The following MGAT4C variants were observed in gnomAD, a reference collection of about 807,000 sequenced individuals.
MGAT4C encodes alpha-1,3-mannosyl-glycoprotein 4-beta-N-acetylglucosaminyltransferase C.
In MGAT4C, 19 loss-of-function variants were observed where a neutral mutation model predicts 40.1. The ratio of observed to expected loss-of-function variants is 0.47; its 90% confidence interval spans 0.33 to 0.70. The LOEUF is 0.70. MGAT4C is among the 30% of genes least tolerant of loss of function. The pLI is 0.02. For synonymous variants in MGAT4C, 181 were observed against 187.1 expected, an observed-to-expected ratio of 0.97 and a Z score of 0.27; for missense variants, 491 against 563.2, an observed-to-expected ratio of 0.87 and a Z score of 1.30.
At position 86,348,609 on chromosome 12, in the gene MGAT4C, G is replaced by C. The variant is rs191193961; in HGVS notation, c.-119-14482C>G. ...TTGAATGATAGCTTGTCTGGGGATA[G>C]AATTTCAGAATTTCGAAGGCCTTGC... On this transcript the variant is annotated intron_variant, in intron 3 of 7. Coordinates refer to the MGAT4C transcript ENST00000548651. 2.3e-4 allele frequency among the ~76,000 whole-genome samples: 35 copies of C among 152,270 alleles called. No homozygotes were observed. In the East Asian group the frequency reaches 6.2e-3, roughly 27 times the overall value.
intron 3 of MGAT4C, among the ~76,000 whole-genome samples, chr12:86,368,964 G>A (rs1339485034): frequency 1.3e-5 from 2 of 151,584 alleles, no homozygotes; most frequent in Non-Finnish European, 2.9e-5. Context: ...TTGTAAGTGG[G>A]GTATTGAAGT....
intron 1 of MGAT4C, among the ~76,000 whole-genome samples, chr12:86,115,888 G>A (rs1006497432): frequency 6.6e-6 from 1 of 151,962 alleles, no homozygotes; most frequent in African/African-American, 2.4e-5. Context: ...GGTCCACCAT[G>A]ATCTCATTTT....
At chr12:86,027,991 A>G (rs1890386433) in intron 2 of MGAT4C, 2 of 388,008 alleles carry the variant, frequency 5.2e-6, no homozygotes, top group Non-Finnish European at 8.9e-6. Context: ...TACATTTTCC[A>G]TTGACCTAAG....
At chr12:86,764,835 G>A (rs1457329155) in intron 1 of MGAT4C, among the ~76,000 whole-genome samples, 1 of 152,114 alleles carries the variant, frequency 6.6e-6, no homozygotes, top group African/African-American at 2.4e-5. Flanking sequence ...CTAACAAACA[G>A]AAAGGACATC....
chr12:86,742,995 ATGTG>A (rs1192326101), intron 1 of MGAT4C, among the ~76,000 whole-genome samples: 2 of 145,950 alleles, frequency 1.4e-5, no homozygotes, highest in East Asian at 2.0e-4. Flanking sequence ...GTGTGTGTGT[ATGTG>A]TGTATGTGTA....
chr12:86,487,667 A>G (rs886219769), intron 2 of MGAT4C, among the ~76,000 whole-genome samples: 2 of 152,200 alleles, frequency 1.3e-5, no homozygotes, highest in African/African-American at 4.8e-5. Context: ...TTTTAAGGTA[A>G]TTTGACTTTT....
chr12:86,572,314 C>A (rs141200562), intron 2 of MGAT4C, among the ~76,000 whole-genome samples: 2 of 152,072 alleles, frequency 1.3e-5, no homozygotes, highest in African/African-American at 4.8e-5. Flanking sequence ...CTGGGAATAA[C>A]CTTCATCCCC....
At chr12:86,614,603 A>C (rs1377157265) in intron 2 of MGAT4C, among the ~76,000 whole-genome samples, 1 of 151,958 alleles carries the variant, frequency 6.6e-6, no homozygotes, top group Non-Finnish European at 1.5e-5. Flanking sequence ...ATTTTTAAGC[A>C]CTGATTACCT....
chr12:86,392,814 C>A (rs1237428310), intron 3 of MGAT4C, among the ~76,000 whole-genome samples: 1 of 152,114 alleles, frequency 6.6e-6, no homozygotes, highest in Non-Finnish European at 1.5e-5. Context: ...GATAAAATTT[C>A]TTTTGCCTAT....
intron 1 of MGAT4C, among the ~76,000 whole-genome samples, chr12:86,835,883 A>G (rs781085055): frequency 6.6e-6 from 1 of 151,878 alleles, no homozygotes; most frequent in Non-Finnish European, 1.5e-5. Context: ...ACACACACAA[A>G]CATCATTAAA....
chr12:86,533,554 A>G (rs1959018391), intron 2 of MGAT4C, among the ~76,000 whole-genome samples: 1 of 151,944 alleles, frequency 6.6e-6, no homozygotes, highest in Non-Finnish European at 1.5e-5. Flanking sequence ...ATAGGCATTT[A>G]TATGTGTGTG....
chr12:86,501,282 T>A (rs562213813), intron 2 of MGAT4C, among the ~76,000 whole-genome samples: 1 of 152,264 alleles, frequency 6.6e-6, no homozygotes, highest in East Asian at 1.9e-4. Context: ...TACATTGGAA[T>A]TTTAAAAATT....
intron 2 of MGAT4C, among the ~76,000 whole-genome samples, chr12:86,644,737 T>C (rs1963488694): frequency 6.6e-6 from 1 of 151,722 alleles, no homozygotes; most frequent in Non-Finnish European, 1.5e-5. Context: ...AATATATGAA[T>C]AGCATATAAA....
chr12:86,290,874 A>G (rs1369110835), intron 4 of MGAT4C, among the ~76,000 whole-genome samples: 1 of 152,172 alleles, frequency 6.6e-6, no homozygotes, highest in Non-Finnish European at 1.5e-5. Context: ...CAGTTTTAGC[A>G]GAGTATTACA....
At chr12:86,147,487 C>T (rs1273943108) in intron 1 of MGAT4C, among the ~76,000 whole-genome samples, 4 of 152,164 alleles carry the variant, frequency 2.6e-5, no homozygotes, top group Admixed American at 6.5e-5. Context: ...GTGATCCACC[C>T]GCCTCGGCCT....
At chr12:86,071,297 T>A (rs1868407670) in intron 1 of MGAT4C, among the ~76,000 whole-genome samples, 1 of 151,910 alleles carries the variant, frequency 6.6e-6, no homozygotes, top group Non-Finnish European at 1.5e-5. Flanking sequence ...AAAAAATAAA[T>A]CTGATAGGTA....
chr12:86,263,100 G>C (rs1041410405), intron 4 of MGAT4C, among the ~76,000 whole-genome samples: 2 of 151,952 alleles, frequency 1.3e-5, no homozygotes. Flanking sequence ...TAATTATGGG[G>C]TTGTAACCCC....
intron 2 of MGAT4C, among the ~76,000 whole-genome samples, chr12:86,725,420 C>G (rs1236916590): frequency 1.3e-5 from 2 of 152,146 alleles, no homozygotes; most frequent in African/African-American, 4.8e-5. Context: ...ATGGGATAAA[C>G]ACGGAGGCTA....
chr12:86,523,367 C>T (rs774473714), intron 2 of MGAT4C, among the ~76,000 whole-genome samples: 1 of 152,096 alleles, frequency 6.6e-6, no homozygotes, highest in East Asian at 1.9e-4. Context: ...CATTCAGGAG[C>T]AGGTTATTCA....
Sources: allele counts gnomAD v4.1 joint callset (sites outside exome capture counted in the v4.1 genomes callset), GRCh38; gene constraint gnomAD v4.1.1; transcripts MANE v1.5; gene names NCBI Gene and HGNC (gene_info 2026-07-23, HGNC 2026-07-21).